Variants in LRRC71 observed in about 807,000 individuals in gnomAD.
The protein encoded by LRRC71 is leucine rich repeat containing 71.
A neutral mutation model predicts 66.6 loss-of-function variants in LRRC71; 54 were observed. The ratio of observed to expected loss-of-function variants is 0.81; its 90% CI spans 0.65 to 1.02. LRRC71 has a LOEUF of 1.02. LRRC71 is among the 50% of genes least tolerant of loss of function. The pLI is 0.00. For missense variants in LRRC71, 724 were observed against 718.0 expected (o/e 1.01, Z -0.10); for synonymous variants, 323 against 303.9 (o/e 1.06, Z -0.65).
downstream of LRRC71, among the ~76,000 whole-genome samples, chr1:156,936,511 T>A (rs1232807437): frequency 9.5e-5 from 12 of 125,710 alleles, 2 homozygotes; most frequent in African/African-American, 3.5e-4. Context: ...TATATATATA[T>A]ATATATATAT....
At position 156,927,649 on chromosome 1, in the gene LRRC71, C is replaced by G. The variant is rs763012031; in HGVS notation, c.816C>G (p.Ile272Met). ...NHIGDEGAGY[I>M]ADGLRLNRSL... is the part of the protein sequence containing the mutation. The stretch of plus-strand genomic sequence containing the variant: ...TCGGTGACGAGGGCGCAGGCTACAT[C>G]GCGGACGTGAGTGCACGGCGGGGAG... The change falls in exon 7 of 15, where the codon ATC becomes ATG. Residue 272 changes from isoleucine to methionine, a missense_variant. Transcript: ENST00000337428. The G allele has an allele frequency of 1.6e-5, 25 of 1,606,550 alleles. No individual in the cohort carries two copies. The highest frequency in any genetic ancestry group is 2.0e-5 in the Non-Finnish European group (24 of 1,177,440).
chr1:156,928,333 TTTCTTTC>T (rs1332950240), intron 9 of LRRC71, among the ~76,000 whole-genome samples: 2 of 145,410 alleles, frequency 1.4e-5, no homozygotes, highest in Non-Finnish European at 3.0e-5. Flanking sequence ...TTCTTTCTTT[TTTCTTTC>T]TTCTTTCTTT....
downstream of LRRC71, chr1:156,935,105 G>C (rs181279924): frequency 6.6e-6 from 1 of 152,540 alleles, no homozygotes; most frequent in African/African-American, 2.4e-5. Context: ...CAGGGACTCG[G>C]CATTCAGACC....
At chr1:156,938,693 C>T in the LRRC71 span, 1 of 522,098 alleles carries the variant, frequency 1.9e-6, no homozygotes, top group Non-Finnish European at 3.4e-6. Flanking sequence ...GAACTTTCCA[C>T]CAATTCACCG....
Position 156,920,672 on chromosome 1 carries a change from C to A in LRRC71, c.-132C>A. The A allele has an allele frequency of 2.6e-6, 3 of 1,138,268 alleles. No individual in the cohort carries two copies. Among genetic ancestry groups the A allele is most frequent in the Non-Finnish European group, 3.4e-6 (3 of 877,792 alleles). 70.5% of individuals were successfully genotyped at this position (1,138,268 alleles called of 1,614,324 possible). Reference sequence around the variant, plus strand: ...GACGCGTAGGCTACGCCACCGCGGACGGGTCGGATCCGGTCCCTGGACGCG... The same window carrying A: ...GACGCGTAGGCTACGCCACCGCGGAAGGGTCGGATCCGGTCCCTGGACGCG... On this transcript the variant is annotated 5_prime_UTR_variant, in exon 1 of 15. Transcript: ENST00000337428. This position sits in a 1 kb window ranked among gnomAD's most constrained non-coding sequence, Gnocchi z 4.9.
At position 156,925,206 on chromosome 1, in the gene LRRC71, C is replaced by G. The variant is rs539023482; in HGVS notation, c.593+191C>G. ...TAGACAAGAAGCCAGGTCCGCTTTT[C>G]TGCCCACACCAGCACCCAAAGAGCC... On this transcript the variant is annotated intron_variant, in intron 5 of 14. Transcript: ENST00000337428. 1.6e-4 allele frequency among the ~76,000 whole-genome samples: 25 copies of G among 152,304 alleles called. 1 individual carries two copies. The South Asian group carries it at 4.8e-3, about 29-fold the overall frequency.
chr1:156,921,564 G>T, intron 1 of LRRC71: 1 of 904,384 alleles, frequency 1.1e-6, no homozygotes, highest in Non-Finnish European at 1.3e-6. Flanking sequence ...AAAAAGATCT[G>T]ATCATCCAGC....
Position 156,924,716 on chromosome 1 carries a change from C to A in LRRC71, c.513C>A (p.Ile171=). The change falls in exon 4 of 15, where the codon ATC becomes ATA. Residue 171 remains isoleucine, a splice_region_variant and synonymous_variant. Transcript: ENST00000337428. ...CCCCGCTTACCCAGCTACAGGCCAT[C>A]AAGTGAGAGGCACTGAGGGGATGGG... ...CLPPLTQLQA[I]NLWKVGLTDK... 1 of 1,551,662 alleles carries A rather than the reference C, an allele frequency of 6.4e-7. No individual in the cohort carries two copies. The highest frequency in any genetic ancestry group is 8.7e-7 in the Non-Finnish European group (1 of 1,146,988).
Position 156,933,031 on chromosome 1 carries a change from G to A in LRRC71, c.*62G>A, listed in dbSNP as rs1197706979. 8.1e-7 allele frequency: 1 copy of A among 1,238,528 alleles called. No homozygotes were observed. Among genetic ancestry groups the A allele is most frequent in the Non-Finnish European group, 1.1e-6 (1 of 872,204 alleles). The allele number at this position is 1,238,528 out of a possible 1,614,324, so 76.7% of individuals were successfully genotyped here. ...ACAGAAGCACCTCCTGTCCCTGTGT[G>A]GGGTGACCTCCCTGGGGGAGATCTC... On this transcript the variant is annotated 3_prime_UTR_variant, in exon 15 of 15. Transcript: ENST00000337428.
At chr1:156,922,708 C>A (rs1652577774) in intron 1 of LRRC71, among the ~76,000 whole-genome samples, 1 of 152,196 alleles carries the variant, frequency 6.6e-6, no homozygotes, top group African/African-American at 2.4e-5. Context: ...CCAGCAACTT[C>A]AGCATCATCT....
chr1:156,926,479 C>T (rs1653215523), intron 5 of LRRC71, among the ~76,000 whole-genome samples: 1 of 152,160 alleles, frequency 6.6e-6, no homozygotes, highest in East Asian at 1.9e-4. Flanking sequence ...GAAGCCACCG[C>T]CTTTGTAGCC....
At chr1:156,932,300 T>G in intron 13 of LRRC71, 124 bp from the exon 14 acceptor site, 1 of 766,920 alleles carries the variant, frequency 1.3e-6, no homozygotes. Flanking sequence ...CAGGGAAAGG[T>G]GTGCCTGGGC....
downstream of LRRC71, chr1:156,937,136 C>T: frequency 6.4e-7 from 1 of 1,571,956 alleles, no homozygotes; most frequent in South Asian, 1.2e-5. Context: ...GGGAAGATCC[C>T]TGGGCCAGGA....
At chr1:156,940,455 A>G in the LRRC71 span, 4 of 1,574,360 alleles carry the variant, frequency 2.5e-6, no homozygotes, top group Non-Finnish European at 2.6e-6. Context: ...ATTGTAAGGC[A>G]GGGAAAGGGA....
downstream of LRRC71, chr1:156,937,511 A>G: frequency 1.3e-6 from 2 of 1,513,252 alleles, no homozygotes; most frequent in South Asian, 2.7e-5. Context: ...CCCCACAGTA[A>G]GAGAATGAGA....
At chr1:156,936,841 A>G (rs773149415), downstream of LRRC71, 17 of 1,613,934 alleles carry the variant, frequency 1.1e-5, no homozygotes, top group Admixed American at 2.7e-4. Context: ...GCCCCAGTTC[A>G]TGGCTGTTCC....
Position 156,932,992 on chromosome 1 carries a change from T to G in LRRC71, c.*23T>G. 2.6e-6 allele frequency: 4 copies of G among 1,532,198 alleles called. No individual in the cohort carries two copies. The highest frequency in any genetic ancestry group is 3.5e-6 in the Non-Finnish European group (4 of 1,130,290). 94.9% of individuals were successfully genotyped at this position (1,532,198 alleles called of 1,614,324 possible). On this transcript the variant is annotated 3_prime_UTR_variant, in exon 15 of 15. Coordinates refer to ENST00000337428, the MANE Select transcript of LRRC71 (RefSeq NM_144702.3). ...TAGCCCCCTCCCACCTGCTTGCCTC[T>G]AAGACTCGGGGCTACAGAAGCACCT...
chr1:156,938,633 G>T, the LRRC71 span: 6 of 787,502 alleles, frequency 7.6e-6, no homozygotes, highest in Admixed American at 9.2e-5. Flanking sequence ...AAAATGGGAA[G>T]AACAAGGTGA....
At chr1:156,939,125 C>T in the LRRC71 span, 8 of 242,646 alleles carry the variant, frequency 3.3e-5, no homozygotes, top group Non-Finnish European at 5.6e-5. Flanking sequence ...GGAGCTGTTG[C>T]CTGGCGTGAG....
Sources: gnomAD v4.1 joint callset for allele counts (sites outside exome capture counted in the v4.1 genomes callset) on GRCh38, gnomAD v4.1.1 for gene constraint, Gnocchi (gnomAD v3.1) non-coding constraint, MANE v1.5 for transcripts, NCBI Gene and HGNC (gene_info 2026-07-23, HGNC 2026-07-21) for gene names.